USP4: variants seen among roughly 807,000 people sequenced by gnomAD.
The protein encoded by USP4 is ubiquitin specific peptidase 4.
A neutral mutation model predicts 118.2 loss-of-function variants in USP4; 72 were observed. The ratio of observed to expected loss-of-function variants is 0.61; its 90% CI spans 0.50 to 0.74. The LOEUF is 0.74. Among genes scored for constraint, USP4 ranks in the 30% least tolerant of loss-of-function variants. USP4 has a pLI of 0.00. For synonymous variants in USP4, 415 were observed against 440.4 expected (o/e 0.94, Z 0.72); for missense variants, 1,037 against 1,185.7 (o/e 0.87, Z 1.84).
At chr3:49,291,864 A>C (rs1409752036) in intron 15 of USP4, among the ~76,000 whole-genome samples, 1 of 150,174 alleles carries the variant, frequency 6.7e-6, no homozygotes, top group African/African-American at 2.4e-5. Flanking sequence ...CCCAGGCTGG[A>C]GTGCAGTGGC....
intron 16 of USP4, 146 bp downstream of exon 16, chr3:49,285,952 G>GTCT (rs2047086613): frequency 1.4e-6 from 1 of 717,794 alleles, no homozygotes; most frequent in Admixed American, 2.7e-5. Flanking sequence ...AGTCCTTAGG[G>GTCT]GGCTTCAAGC....
chr3:49,304,043 G>A (rs974076478), intron 9 of USP4, among the ~76,000 whole-genome samples: 4 of 151,664 alleles, frequency 2.6e-5, no homozygotes, highest in Middle Eastern at 7.0e-3. Context: ...GTGAGGCACC[G>A]CACCCAGCCG....
chr3:49,300,337 G>T, intron 11 of USP4, 130 bp downstream of exon 11: 1 of 732,454 alleles, frequency 1.4e-6, no homozygotes, highest in Non-Finnish European at 2.3e-6. Flanking sequence ...TCTGATGGAG[G>T]CCAAGGGCCC....
At chr3:49,317,807 C>T (rs2107793495) in intron 6 of USP4, among the ~76,000 whole-genome samples, 1 of 151,814 alleles carries the variant, frequency 6.6e-6, no homozygotes, top group African/African-American at 2.4e-5. Flanking sequence ...CCGCCTCGGC[C>T]TCCCAAAGTG....
At position 49,280,738 on chromosome 3, in the gene USP4, A is replaced by G; in HGVS notation, c.2644+6T>C. Reference sequence around the variant, plus strand: ...ATCTCAGAAGGAAGCAGATGTCAATACTTACAGTGGCCAACCCCCATGGCT... The same window carrying G: ...ATCTCAGAAGGAAGCAGATGTCAATGCTTACAGTGGCCAACCCCCATGGCT... On this transcript the variant is annotated splice_donor_region_variant and intron_variant, in intron 20 of 21. Coordinates refer to ENST00000265560, the MANE Select transcript of USP4 (RefSeq NM_003363.4). 3 of 1,612,744 alleles carry G rather than the reference A, an allele frequency of 1.9e-6. No individual in the cohort carries two copies. The highest frequency in any genetic ancestry group is 2.5e-6 in the Non-Finnish European group (3 of 1,178,746).
rs1451096310 is a variant in USP4, at chr3:49,278,397, T to A, written c.2788A>T (p.Thr930Ser). ...YQRRDDEFYK[T>S]PSLSSSGSSD... ...GAACCAGAACTGCTAAGTGAAGGTG[T>A]CTTATAAAATTCATCATCTCGACGT... The change falls in exon 22 of 22, where the codon ACA becomes TCA. Residue 930 changes from threonine to serine, a missense_variant. By Grantham distance (58) the Thr-to-Ser change is moderately conservative (BLOSUM62 1). Transcript: ENST00000265560. 1 of 1,614,026 alleles carries A rather than the reference T, an allele frequency of 6.2e-7. No individual in the cohort carries two copies. The highest frequency in any genetic ancestry group is 1.3e-5 in the African/African-American group (1 of 74,902).
At chr3:49,295,990 T>C (rs1299493083) in intron 13 of USP4, among the ~76,000 whole-genome samples, 2 of 152,016 alleles carry the variant, frequency 1.3e-5, no homozygotes, top group African/African-American at 4.8e-5. Context: ...TTAAAAGGTG[T>C]GGTAAGAATT....
intron 19 of USP4, among the ~76,000 whole-genome samples, chr3:49,281,326 G>A (rs1404336848): frequency 6.6e-6 from 1 of 151,756 alleles, no homozygotes; most frequent in Non-Finnish European, 1.5e-5. Flanking sequence ...CGTGGTGGTG[G>A]GCGCCTGTAG....
At chr3:49,293,246 C>T (rs998219327) in intron 14 of USP4, among the ~76,000 whole-genome samples, 2 of 152,048 alleles carry the variant, frequency 1.3e-5, no homozygotes, top group African/African-American at 4.8e-5. Flanking sequence ...GGCACGGTGG[C>T]TCATGCCTGT....
chr3:49,309,279 G>T (rs1431968704), intron 8 of USP4, among the ~76,000 whole-genome samples: 1 of 152,196 alleles, frequency 6.6e-6, no homozygotes, highest in Non-Finnish European at 1.5e-5. Flanking sequence ...CAAACTTGCA[G>T]TTGGTTTCGG....
intron 14 of USP4, 100 bp downstream of exon 14, chr3:49,294,307 G>C: frequency 7.8e-6 from 10 of 1,282,926 alleles, no homozygotes; most frequent in Non-Finnish European, 1.1e-5. Context: ...ACAGAGGTGA[G>C]CATGTAGGAT....
chr3:49,284,318 T>A, intron 18 of USP4, 148 bp downstream of exon 18: 1 of 1,039,622 alleles, frequency 9.6e-7, no homozygotes. Context: ...CTTGGAAACC[T>A]CAACTCACAG....
chr3:49,280,418 A>G (rs1009569355), intron 20 of USP4, among the ~76,000 whole-genome samples: 2 of 151,838 alleles, frequency 1.3e-5, no homozygotes, highest in African/African-American at 4.8e-5. Context: ...AAAATTAGCC[A>G]GGCGTGGTGG....
At chr3:49,291,737 G>C (rs1413955849) in intron 15 of USP4, among the ~76,000 whole-genome samples, 1 of 151,956 alleles carries the variant, frequency 6.6e-6, no homozygotes, top group African/African-American at 2.4e-5. Flanking sequence ...CTAGCCCTCT[G>C]GGAGGCTAAG....
At chr3:49,286,407 T>C in intron 15 of USP4, 82 bp from the exon 16 acceptor site, 1 of 1,353,444 alleles carries the variant, frequency 7.4e-7, no homozygotes, top group South Asian at 1.3e-5. Context: ...ATAACTATGG[T>C]GTTTCCTTCC....
intron 9 of USP4, among the ~76,000 whole-genome samples, chr3:49,304,048 C>G (rs764015732): frequency 4.1e-4 from 62 of 151,666 alleles, no homozygotes; most frequent in Non-Finnish European, 3.8e-4. Context: ...GCACCGCACC[C>G]AGCCGTTGCC....
chr3:49,296,301 C>G (rs1444501649), intron 13 of USP4, among the ~76,000 whole-genome samples: 6 of 150,330 alleles, frequency 4.0e-5, no homozygotes, highest in African/African-American at 1.5e-4. Flanking sequence ...GTACTCCAGC[C>G]TGGGTGACAC....
rs1369063110 is a variant in USP4 at position 49,278,239 on chromosome 3, T to C, written c.*54A>G. 4 of 1,579,338 alleles carry C rather than the reference T, an allele frequency of 2.5e-6. No homozygotes were observed. On this transcript the variant is annotated 3_prime_UTR_variant, in exon 22 of 22. Coordinates refer to ENST00000265560, the MANE Select transcript of USP4 (RefSeq NM_003363.4). Reference sequence around the variant, plus strand: ...AGCAGTCTGCAGAGTGTCAAAGATGTTCTCCTGGGGGATTACACTGGCGCT... The same window carrying C: ...AGCAGTCTGCAGAGTGTCAAAGATGCTCTCCTGGGGGATTACACTGGCGCT...
At chr3:49,289,887 C>G (rs1354555001) in intron 15 of USP4, among the ~76,000 whole-genome samples, 2 of 152,024 alleles carry the variant, frequency 1.3e-5, no homozygotes, top group Admixed American at 1.3e-4. Context: ...GGGTGGATTG[C>G]TTGAACTCAG....
Sources: allele counts gnomAD v4.1 joint callset (sites outside exome capture counted in the v4.1 genomes callset), GRCh38; gene constraint gnomAD v4.1.1; transcripts MANE v1.5; gene names NCBI Gene and HGNC (gene_info 2026-07-23, HGNC 2026-07-21).